The following PXDN variants were observed in gnomAD, a reference collection of about 807,000 sequenced individuals.
The protein encoded by PXDN is peroxidasin, also known as peroxidasin homolog.
Under a neutral mutation model 140.3 loss-of-function variants are expected in PXDN, and 77 were observed. That is an observed-to-expected ratio of 0.55 (90% CI 0.46 to 0.66). The LOEUF is 0.66. Among genes scored for constraint, PXDN ranks in the 30% least tolerant of loss-of-function variants. The probability of loss-of-function intolerance (pLI) is 0.00; values close to 1 mark genes in which losing one functional copy is unlikely to be tolerated. For missense variants in PXDN, 1,838 were observed against 2,039.5 expected (o/e 0.90, Z 1.90); for synonymous variants, 911 against 857.4 (o/e 1.06, Z -1.09).
chr2:1,710,288 C>T (rs955142497), intron 1 of PXDN, among the ~76,000 whole-genome samples: 16 of 152,174 alleles, frequency 1.1e-4, no homozygotes, highest in Non-Finnish European at 2.4e-4. Context: ...TTGCCCAAGC[C>T]TGAAGGTCAG....
chr2:1,732,854 A>C (rs1354902687), intron 1 of PXDN, among the ~76,000 whole-genome samples: 1 of 152,234 alleles, frequency 6.6e-6, no homozygotes, highest in Non-Finnish European at 1.5e-5. Flanking sequence ...AGATTATTAA[A>C]ATTGTATTTA....
At chr2:1,658,480 G>A (rs968439056) in intron 14 of PXDN, among the ~76,000 whole-genome samples, 4 of 151,112 alleles carry the variant, frequency 2.6e-5, no homozygotes, top group African/African-American at 4.9e-5. Flanking sequence ...TACTGGCCAC[G>A]AGCCCAGGGA....
At chr2:1,668,671 T>C (rs532596042) in intron 9 of PXDN, among the ~76,000 whole-genome samples, 1 of 151,464 alleles carries the variant, frequency 6.6e-6, no homozygotes, top group South Asian at 2.1e-4. Context: ...AAAAGAAATT[T>C]ATGTGGCCAA....
At chr2:1,741,114 C>T (rs1685533673) in intron 1 of PXDN, among the ~76,000 whole-genome samples, 1 of 152,192 alleles carries the variant, frequency 6.6e-6, no homozygotes, top group South Asian at 2.1e-4. Context: ...AGGAGGAGGG[C>T]GTGGAGGGCC....
Position 1,714,562 on chromosome 2 carries a change from G to C in PXDN, c.201-21428C>G, listed in dbSNP as rs1684854068. ...GTGCGTGCATTCCCTGAAAGGCCAG[G>C]TGGGGACATCTTTGCTTGAGGTGCA... is the stretch of plus-strand genomic sequence containing the variant. On this transcript the variant is annotated intron_variant, in intron 1 of 22. Transcript: ENST00000252804. The surrounding 1 kb of genome is among the most constrained non-coding windows in gnomAD (Gnocchi z 4.3). Among the ~76,000 whole-genome samples, 2 of 152,170 alleles carry C rather than the reference G, an allele frequency of 1.3e-5. No individual in the cohort carries two copies. The highest frequency in any genetic ancestry group is 4.1e-4 in the South Asian group (2 of 4,836).
At chr2:1,732,236 C>G (rs1226055446) in intron 1 of PXDN, among the ~76,000 whole-genome samples, 1 of 152,086 alleles carries the variant, frequency 6.6e-6, no homozygotes, top group Non-Finnish European at 1.5e-5. Context: ...GCTGAGAACC[C>G]GGGGAGGCCA....
At chr2:1,694,197 G>A (rs1219154072) in intron 1 of PXDN, among the ~76,000 whole-genome samples, 1 of 152,162 alleles carries the variant, frequency 6.6e-6, no homozygotes, top group East Asian at 1.9e-4. Flanking sequence ...TCCACATGTT[G>A]AAATGCTCAG....
In PXDN at chr2:1,639,238, A is replaced by G. The variant is rs2125403906; in HGVS notation, c.4073+64T>C. Reference sequence around the variant, plus strand: ...AGGCCCACAGCAGGATGCCGGTCCTACTGCCCGACGCCCGCGGTGCGAGGG... The same window carrying G: ...AGGCCCACAGCAGGATGCCGGTCCTGCTGCCCGACGCCCGCGGTGCGAGGG... On this transcript the variant is annotated intron_variant, in intron 20 of 22. Coordinates refer to ENST00000252804, the MANE Select transcript of PXDN (RefSeq NM_012293.3). The surrounding 1 kb of genome is among the most constrained non-coding windows in gnomAD (Gnocchi z 5.0). The G allele has an allele frequency of 1.9e-6, 3 of 1,561,218 alleles. No homozygotes were observed. In the South Asian group the frequency reaches 3.5e-5, roughly 18 times the overall value.
intron 3 of PXDN, among the ~76,000 whole-genome samples, chr2:1,691,105 T>TA (rs113769867): frequency 5.7e-4 from 87 of 151,386 alleles, no homozygotes; most frequent in African/African-American, 1.3e-3. Flanking sequence ...TAAAGTAAAA[T>TA]AAAAAAAAAT....
chr2:1,743,311 G>T (rs1227449335), intron 1 of PXDN, among the ~76,000 whole-genome samples: 1 of 152,214 alleles, frequency 6.6e-6, no homozygotes. Context: ...GATTAGAAGC[G>T]AAAGAAGAGA....
At chr2:1,716,132 C>T (rs966961869) in intron 1 of PXDN, among the ~76,000 whole-genome samples, 6 of 152,096 alleles carry the variant, frequency 3.9e-5, no homozygotes, top group African/African-American at 9.7e-5. Flanking sequence ...CCTCAGTGTA[C>T]GTATCTATAA....
chr2:1,675,942 T>C (rs1683696127), intron 8 of PXDN, among the ~76,000 whole-genome samples: 1 of 152,010 alleles, frequency 6.6e-6, no homozygotes, highest in Admixed American at 6.6e-5. Flanking sequence ...AGGAGCTCCT[T>C]CAGAAGCTGT....
rs1465935583 is a variant in PXDN at position 1,665,008 on chromosome 2, TG to T, written c.1357del (p.Gln453SerfsTer65). On this transcript the variant is annotated frameshift_variant, in exon 11 of 23. Coordinates refer to ENST00000252804, the MANE Select transcript of PXDN (RefSeq NM_012293.3). LOFTEE classifies it high-confidence loss of function. The part of the protein sequence containing the change: ...VVIEGQTVDF[Q>X]CEAKGNPPPV... ...CGGCGGGTTGCCCTTGGCTTCACACTGGAAATCCACGGTCTGGCCCTCAATA... is the reference window on the plus strand; with the variant it reads ...CGGCGGGTTGCCCTTGGCTTCACACTGAAATCCACGGTCTGGCCCTCAATA... 6.2e-7 allele frequency: 1 copy of T among 1,612,914 alleles called. No individual in the cohort carries two copies. Among genetic ancestry groups the T allele is most frequent in the East Asian group, 2.2e-5 (1 of 44,866 alleles).
chr2:1,644,827 A>G, intron 17 of PXDN, 75 bp from the exon 18 acceptor site: 2 of 1,301,172 alleles, frequency 1.5e-6, no homozygotes, highest in Admixed American at 3.5e-5. Flanking sequence ...ATATAAAAAC[A>G]GTTCTTTCTT....
rs777543085 is a variant in PXDN, at chr2:1,649,107, C to G, written c.2673G>C (p.Ser891=). 8 of 1,612,700 alleles carry G rather than the reference C, an allele frequency of 5.0e-6. No individual in the cohort carries two copies. The highest frequency in any genetic ancestry group is 5.9e-6 in the Non-Finnish European group (7 of 1,179,850). ...GCGGGTACACGGAGTTCATGAGCAG[C>G]GAAGTCATGCCGCTGCCGCACACAG... The part of the protein sequence containing the change: ...SSPVCGSGMT[S]LLMNSVYPRE... The change falls in exon 17 of 23, where the codon TCG becomes TCC. Residue 891 remains serine, a synonymous_variant. Transcript: ENST00000252804. This position sits in a 1 kb window ranked among gnomAD's most constrained non-coding sequence, Gnocchi z 7.1.
intron 8 of PXDN, 123 bp from the exon 9 acceptor site, chr2:1,673,935 T>C: frequency 9.8e-7 from 1 of 1,017,862 alleles, no homozygotes; most frequent in Non-Finnish European, 1.4e-6. Flanking sequence ...CAGCTCACCT[T>C]CCAGGGTCTC....
chr2:1,706,506 A>ACC lies in PXDN; in HGVS notation c.201-13373_201-13372insGG, dbSNP rs1359281196. ...CATCACCTGCCCCACTAATAATACAATCTGAGAGCACGCTTCAGTGTTCAC... is the reference window on the plus strand; with the variant it reads ...CATCACCTGCCCCACTAATAATACAACCTCTGAGAGCACGCTTCAGTGTTCAC... On this transcript the variant is annotated intron_variant, in intron 1 of 22. Coordinates refer to ENST00000252804, the MANE Select transcript of PXDN (RefSeq NM_012293.3). Among the ~76,000 whole-genome samples, 195 of 151,868 alleles carry ACC rather than the reference A, an allele frequency of 1.3e-3. 35 individuals carry two copies. The highest frequency in any genetic ancestry group is 4.1e-3 in the African/African-American group (170 of 41,416).
intron 14 of PXDN, among the ~76,000 whole-genome samples, chr2:1,655,679 C>T (rs539479605): frequency 3.6e-4 from 50 of 140,002 alleles, no homozygotes; most frequent in South Asian, 1.3e-3. Context: ...CCCCTCCTGA[C>T]GGAAACCTGC....
chr2:1,676,836 G>T, intron 8 of PXDN, 91 bp downstream of exon 8: 1 of 1,180,564 alleles, frequency 8.5e-7, no homozygotes, highest in Non-Finnish European at 1.2e-6. Context: ...AAAAGTGGAC[G>T]TGGGCCTTGG....
Sources: gnomAD v4.1 joint callset for allele counts (sites outside exome capture counted in the v4.1 genomes callset) on GRCh38, gnomAD v4.1.1 for gene constraint, Gnocchi (gnomAD v3.1) non-coding constraint, MANE v1.5 for transcripts, NCBI Gene and HGNC (gene_info 2026-07-23, HGNC 2026-07-21) for gene names.